The following ANO3 variants were observed in gnomAD, a reference collection of about 807,000 sequenced individuals.
ANO3 encodes the protein anoctamin-3.
Under a neutral mutation model 144.8 loss-of-function variants are expected in ANO3, and 99 were observed. That is an observed-to-expected ratio of 0.68 (90% CI 0.58 to 0.81). The LOEUF (loss-of-function observed/expected upper bound fraction) is 0.81, where lower values mean the gene tolerates loss of function less well. ANO3 is among the 30% of genes least tolerant of loss of function. ANO3 has a pLI of 0.00. For missense variants in ANO3, 905 were observed against 1,202.2 expected (o/e 0.75, Z 3.66); for synonymous variants, 414 against 392.6 (o/e 1.05, Z -0.64).
At position 26,531,412 on chromosome 11, in the gene ANO3, GACCATTTCCATTGTTTACCAA is replaced by G. The variant is rs1269318992; in HGVS notation, c.869+78_869+98del. ...TTGTTTATAGAATAAAAACACCTGG[GACCATTTCCATTGTTTACCAA>G]ATACGTCAGAGAACTTATCATTGTA... On this transcript the variant is annotated intron_variant, in intron 8 of 26. Transcript: ENST00000256737. 2.1e-5 allele frequency: 30 copies of G among 1,456,380 alleles called. No homozygotes were observed. In the Admixed American group the frequency reaches 4.9e-4, roughly 24 times the overall value. 90.2% of individuals were successfully genotyped at this position (1,456,380 alleles called of 1,614,324 possible). A position where few individuals can be genotyped will look rare whatever the true frequency, so the allele number is the denominator to read the frequency against.
intron 1 of ANO3, among the ~76,000 whole-genome samples, chr11:26,233,328 C>G (rs55672030): frequency 2.0e-5 from 3 of 151,680 alleles, no homozygotes; most frequent in African/African-American, 7.3e-5. Context: ...ATGTGGCCAA[C>G]AAACATGAAA....
At chr11:26,311,643 A>G (rs930795557) in intron 1 of ANO3, among the ~76,000 whole-genome samples, 4 of 152,308 alleles carry the variant, frequency 2.6e-5, no homozygotes, top group Admixed American at 6.5e-5. Context: ...CTTTTCAAAA[A>G]CAATTCACAG....
intron 14 of ANO3, among the ~76,000 whole-genome samples, chr11:26,583,512 C>A (rs952098696): frequency 6.6e-6 from 1 of 152,042 alleles, no homozygotes; most frequent in Non-Finnish European, 1.5e-5. Flanking sequence ...CAAAATCTGC[C>A]GCTGCACACA....
chr11:26,356,749 T>C (rs1855795366), intron 1 of ANO3, among the ~76,000 whole-genome samples: 1 of 152,204 alleles, frequency 6.6e-6, no homozygotes, highest in Non-Finnish European at 1.5e-5. Flanking sequence ...CTACAGCTGG[T>C]TCTTTCTGGA....
chr11:26,269,752 G>A (rs950383876), intron 1 of ANO3, among the ~76,000 whole-genome samples: 4 of 152,116 alleles, frequency 2.6e-5, no homozygotes, highest in African/African-American at 7.2e-5. Context: ...TCACATTCAC[G>A]CTCTGCTACC....
intron 3 of ANO3, among the ~76,000 whole-genome samples, chr11:26,446,962 C>T (rs1034172722): frequency 5.3e-5 from 8 of 152,192 alleles, no homozygotes; most frequent in South Asian, 2.1e-4. Context: ...GTAATACCAG[C>T]GCTTTGGGAG....
In ANO3 at chr11:26,456,992, A is replaced by G. The variant is rs1250545925; in HGVS notation, c.314-6038A>G. ...TCGCAACAACAAAAATCCAAACACC[A>G]CATATTCTCACTCATAGGTGGGAAT... On this transcript the variant is annotated intron_variant, in intron 3 of 26. Transcript: ENST00000256737. Among the ~76,000 whole-genome samples the G allele has an allele frequency of 3.3e-5, 5 of 150,564 alleles. No individual in the cohort carries two copies. In the East Asian group the frequency reaches 7.9e-4, roughly 24 times the overall value.
chr11:26,283,544 C>A (rs34411356), intron 1 of ANO3, among the ~76,000 whole-genome samples: 6,114 of 151,394 alleles, frequency 0.04, 422 homozygotes, highest in African/African-American at 0.14. Context: ...TAATCACGAC[C>A]AGAACTGAGA....
chr11:26,607,320 G>A (rs936150721), intron 17 of ANO3, among the ~76,000 whole-genome samples: 4 of 152,158 alleles, frequency 2.6e-5, no homozygotes, highest in African/African-American at 9.7e-5. Context: ...CTCTCGTGGA[G>A]TATCTTCTTG....
At chr11:26,349,442 C>G (rs1280975812) in intron 1 of ANO3, among the ~76,000 whole-genome samples, 2 of 152,134 alleles carry the variant, frequency 1.3e-5, no homozygotes, top group African/African-American at 4.8e-5. Flanking sequence ...TTATCAATAT[C>G]AGCATTTTCA....
intron 1 of ANO3, among the ~76,000 whole-genome samples, chr11:26,216,190 G>A (rs1392303211): frequency 6.6e-6 from 1 of 151,748 alleles, no homozygotes; most frequent in Non-Finnish European, 1.5e-5. Context: ...CATATATTAG[G>A]GTTGCCTCTT....
At chr11:26,624,349 T>TA in intron 17 of ANO3, 113 bp from the exon 18 acceptor site, 1 of 693,818 alleles carries the variant, frequency 1.4e-6, no homozygotes, top group Non-Finnish European at 2.4e-6. Context: ...CTATTTAAAG[T>TA]AAAATGTAAC....
chr11:26,618,890 C>A (rs1373732127), intron 17 of ANO3, among the ~76,000 whole-genome samples: 1 of 152,052 alleles, frequency 6.6e-6, no homozygotes, highest in African/African-American at 2.4e-5. Context: ...GCATTTTTTT[C>A]AATATTGTAT....
intron 1 of ANO3, among the ~76,000 whole-genome samples, chr11:26,237,923 A>G (rs764781229): frequency 2.6e-4 from 39 of 152,180 alleles, no homozygotes; most frequent in Non-Finnish European, 5.0e-4. Flanking sequence ...ATAAAATTCA[A>G]GATCTATGTT....
intron 6 of ANO3, among the ~76,000 whole-genome samples, chr11:26,524,099 T>C (rs1849097685): frequency 6.6e-6 from 1 of 152,248 alleles, no homozygotes; most frequent in African/African-American, 2.4e-5. Flanking sequence ...CTCATTCATT[T>C]ATTCATTGAC....
At chr11:26,600,594 C>T in intron 17 of ANO3, among the ~76,000 whole-genome samples, 1 of 127,470 alleles carries the variant, frequency 7.8e-6, no homozygotes, top group Non-Finnish European at 1.6e-5. Flanking sequence ...CCCTTCCTTC[C>T]TCTCCCTCCA....
At chr11:26,653,483 T>C (rs1307672637) in intron 24 of ANO3, among the ~76,000 whole-genome samples, 1 of 152,116 alleles carries the variant, frequency 6.6e-6, no homozygotes, top group Non-Finnish European at 1.5e-5. Context: ...CCTTGAATAA[T>C]CTTACTTAAA....
intron 4 of ANO3, among the ~76,000 whole-genome samples, chr11:26,481,672 G>C (rs1409906763): frequency 6.6e-6 from 1 of 152,164 alleles, no homozygotes; most frequent in Non-Finnish European, 1.5e-5. Flanking sequence ...CATGGAGATG[G>C]AAGGTGAAGA....
intron 1 of ANO3, among the ~76,000 whole-genome samples, chr11:26,348,642 A>C (rs1197949415): frequency 2.0e-5 from 3 of 152,216 alleles, no homozygotes; most frequent in African/African-American, 7.2e-5. Context: ...AACCCCTCAG[A>C]CTTCTTGAAG....
Sources: allele counts gnomAD v4.1 joint callset (sites outside exome capture counted in the v4.1 genomes callset), GRCh38; gene constraint gnomAD v4.1.1; transcripts MANE v1.5; gene names NCBI Gene and HGNC (gene_info 2026-07-23, HGNC 2026-07-21).